Variants in MAD1L1 observed in about 807,000 individuals in gnomAD.
MAD1L1 encodes mitotic spindle assembly checkpoint protein MAD1.
MAD1L1 carries 95 observed loss-of-function variants against 96.9 expected under a neutral mutation model. The ratio of observed to expected loss-of-function variants is 0.98; its 90% CI spans 0.83 to 1.16. The LOEUF (loss-of-function observed/expected upper bound fraction) is 1.16, where lower values mean the gene tolerates loss of function less well. Among genes scored for constraint, MAD1L1 ranks in the 50% most tolerant of loss-of-function variants. MAD1L1 has a pLI of 0.00. For missense variants in MAD1L1, 1,007 were observed against 954.4 expected (o/e 1.06, Z -0.73); for synonymous variants, 473 against 396.6 (o/e 1.19, Z -2.29).
chr7:1,853,088 C>T lies in MAD1L1; in HGVS notation c.1999-36860G>A, dbSNP rs182164205. On this transcript the variant is annotated intron_variant, in intron 18 of 18. Transcript: ENST00000265854. Reference sequence around the variant, plus strand: ...CGACATGCACCAGGAGACTGGAGCCCGGGAGAGCCAGGGAGAGCCCCGAGG... The same window carrying T: ...CGACATGCACCAGGAGACTGGAGCCTGGGAGAGCCAGGGAGAGCCCCGAGG... Among the ~76,000 whole-genome samples, 137 of 152,252 alleles carry T rather than the reference C, an allele frequency of 9.0e-4. 1 individual carries two copies. Among genetic ancestry groups the T allele is most frequent in the African/African-American group, 2.9e-3 (122 of 41,548 alleles).
At chr7:2,226,069 T>C (rs1425166845) in intron 3 of MAD1L1, among the ~76,000 whole-genome samples, 1 of 152,122 alleles carries the variant, frequency 6.6e-6, no homozygotes, top group African/African-American at 2.4e-5. Context: ...CCAATCTCCC[T>C]CATCAAATCC....
At chr7:2,113,332 C>A (rs566682842) in intron 11 of MAD1L1, among the ~76,000 whole-genome samples, 9 of 152,192 alleles carry the variant, frequency 5.9e-5, no homozygotes, top group Non-Finnish European at 1.2e-4. Flanking sequence ...GTAATCCCAG[C>A]GCTTTGGGAG....
intron 11 of MAD1L1, among the ~76,000 whole-genome samples, chr7:2,081,558 G>A (rs919508311): frequency 5.3e-5 from 8 of 152,156 alleles, no homozygotes; most frequent in Admixed American, 2.0e-4. Context: ...GGAGGCGGGG[G>A]GCGCTCCCTG....
chr7:2,101,915 C>G (rs1284709742), intron 11 of MAD1L1, among the ~76,000 whole-genome samples: 1 of 152,154 alleles, frequency 6.6e-6, no homozygotes, highest in Non-Finnish European at 1.5e-5. Flanking sequence ...GAGTGCAGTC[C>G]AGTGCACACA....
rs140803020 is a variant in MAD1L1, at chr7:2,108,469, G to A, written c.1074-39131C>T. ...ATTTAAGTAAAATTTACAACACAGT[G>A]TTTTTCTCCCTTTGTTTTACTTGCT... is the stretch of plus-strand genomic sequence containing the variant. On this transcript the variant is annotated intron_variant, in intron 11 of 18. Coordinates refer to ENST00000265854, the MANE Select transcript of MAD1L1 (RefSeq NM_001013836.2). Among the ~76,000 whole-genome samples, 305 of 152,294 alleles carry A rather than the reference G, an allele frequency of 2.0e-3. 2 individuals are homozygous for A. Among genetic ancestry groups the A allele is most frequent in the Non-Finnish European group, 3.6e-3 (244 of 68,008 alleles).
At chr7:1,950,493 G>A (rs529849800) in intron 16 of MAD1L1, among the ~76,000 whole-genome samples, 2 of 152,338 alleles carry the variant, frequency 1.3e-5, no homozygotes, top group Admixed American at 6.5e-5. Flanking sequence ...TCCTTCAGAA[G>A]GTAATCTGCG....
Position 2,146,153 on chromosome 7 carries a change from C to T in MAD1L1, c.1073+2999G>A, listed in dbSNP as rs930930436. On this transcript the variant is annotated intron_variant, in intron 11 of 18. Coordinates refer to ENST00000265854, the MANE Select transcript of MAD1L1 (RefSeq NM_001013836.2). This position sits in a 1 kb window ranked among gnomAD's most constrained non-coding sequence, Gnocchi z 6.2. ...ACAGGCACACGAATGACCCAGCCGT[C>T]ACTTCAGAAGCTCGGCCTGAGGCAC... Among the ~76,000 whole-genome samples, 13 of 152,220 alleles carry T rather than the reference C, an allele frequency of 8.5e-5. No homozygotes were observed. Among genetic ancestry groups the T allele is most frequent in the African/African-American group, 3.1e-4 (13 of 41,470 alleles).
chr7:2,154,253 C>T (rs1344829696), intron 10 of MAD1L1, among the ~76,000 whole-genome samples: 1 of 152,226 alleles, frequency 6.6e-6, no homozygotes, highest in Non-Finnish European at 1.5e-5. Context: ...AAAGAAACTG[C>T]ACGTCTTCAC....
At chr7:1,840,953 C>A (rs189424372) in intron 18 of MAD1L1, among the ~76,000 whole-genome samples, 11 of 152,238 alleles carry the variant, frequency 7.2e-5, no homozygotes. Context: ...CAAACCCTGG[C>A]GGGGCCAGGT....
At chr7:1,831,028 A>C (rs1162022084) in intron 18 of MAD1L1, among the ~76,000 whole-genome samples, 2 of 152,290 alleles carry the variant, frequency 1.3e-5, no homozygotes, top group African/African-American at 4.8e-5. Flanking sequence ...GCAGTAGATT[A>C]AAAGTAACGT....
At chr7:2,223,366 G>C (rs1335163505) in intron 4 of MAD1L1, 1 of 152,328 alleles carries the variant, frequency 6.6e-6, no homozygotes, top group East Asian at 1.9e-4. Context: ...ACATGACCAA[G>C]CACCACGCTC....
At chr7:1,916,782 G>T (rs1247835702) in intron 17 of MAD1L1, among the ~76,000 whole-genome samples, 1 of 152,038 alleles carries the variant, frequency 6.6e-6, no homozygotes, top group Non-Finnish European at 1.5e-5. Flanking sequence ...CCACGGTGGG[G>T]GCCAGGCTGG....
intron 10 of MAD1L1, among the ~76,000 whole-genome samples, chr7:2,204,180 A>G (rs939761710): frequency 6.6e-6 from 1 of 152,130 alleles, no homozygotes; most frequent in Admixed American, 6.5e-5. Flanking sequence ...GGCCTTCCAT[A>G]AACTCAGGGG....
At chr7:2,079,576 C>A (rs1785534165) in intron 11 of MAD1L1, 2 of 465,558 alleles carry the variant, frequency 4.3e-6, no homozygotes, top group African/African-American at 2.0e-5. Flanking sequence ...CCCAGATAAA[C>A]AGAGGCCACA....
chr7:2,225,388 C>A (rs1392070846), intron 4 of MAD1L1, 22 bp downstream of exon 4: 1 of 1,611,496 alleles, frequency 6.2e-7, no homozygotes. Context: ...TCTGGGCCGA[C>A]CCTCGCCCCG....
intron 11 of MAD1L1, among the ~76,000 whole-genome samples, chr7:2,147,937 ACTTTC>A (rs1482551266): frequency 1.3e-5 from 2 of 152,252 alleles, no homozygotes; most frequent in Middle Eastern, 3.2e-3. Context: ...AGTACAGGCA[ACTTTC>A]CTTTCCTTTA....
intron 18 of MAD1L1, among the ~76,000 whole-genome samples, chr7:1,820,033 A>C (rs1782043109): frequency 1.3e-5 from 2 of 152,150 alleles, no homozygotes; most frequent in African/African-American, 2.4e-5. Context: ...CTACTTCGAG[A>C]TACTGGGAAG....
chr7:2,225,871 TTC>T (rs1478176145), intron 3 of MAD1L1, among the ~76,000 whole-genome samples: 2 of 152,232 alleles, frequency 1.3e-5, no homozygotes, highest in African/African-American at 2.4e-5. Flanking sequence ...GGTGGCTGCA[TTC>T]TCTGACCAGG....
Position 2,185,036 on chromosome 7 carries a change from T to G in MAD1L1, c.986+28176A>C, listed in dbSNP as rs182587333. 3.5e-3 allele frequency among the ~76,000 whole-genome samples: 533 copies of G among 152,176 alleles called. 3 individuals carry two copies. Among genetic ancestry groups the G allele is most frequent in the Non-Finnish European group, 6.2e-3 (424 of 68,002 alleles). Reference sequence around the variant, plus strand: ...AATAAATAATAAAAATAAAATGTAATGTACCACTCATCTCCCCAAAACAGG... The same window carrying G: ...AATAAATAATAAAAATAAAATGTAAGGTACCACTCATCTCCCCAAAACAGG... On this transcript the variant is annotated intron_variant, in intron 10 of 18. Coordinates refer to ENST00000265854, the MANE Select transcript of MAD1L1 (RefSeq NM_001013836.2).
Sources: gnomAD v4.1 joint callset for allele counts (sites outside exome capture counted in the v4.1 genomes callset) on GRCh38, gnomAD v4.1.1 for gene constraint, Gnocchi (gnomAD v3.1) non-coding constraint, MANE v1.5 for transcripts, NCBI Gene and HGNC (gene_info 2026-07-23, HGNC 2026-07-21) for gene names.